Variants in TBC1D14 observed in about 807,000 individuals in gnomAD.
The protein encoded by TBC1D14 is TBC1 domain family member 14, also known as TBC1 domain family, member 14.
Under a neutral mutation model 79.0 loss-of-function variants are expected in TBC1D14, and 26 were observed. The ratio of observed to expected loss-of-function variants is 0.33; its 90% CI spans 0.24 to 0.46. The LOEUF (loss-of-function observed/expected upper bound fraction) is 0.46. TBC1D14 is among the 20% of genes least tolerant of loss of function. The probability of loss-of-function intolerance (pLI) is 1.00; values close to 1 mark genes in which losing one functional copy is unlikely to be tolerated. For synonymous variants in TBC1D14, 394 were observed against 349.9 expected, an observed-to-expected ratio of 1.13 and a Z score of -1.40; for missense variants, 769 against 887.6, an observed-to-expected ratio of 0.87 and a Z score of 1.70.
intron 6 of TBC1D14, 50 bp from the exon 7 acceptor site, chr4:7,001,095 A>C: frequency 6.5e-7 from 1 of 1,549,312 alleles, no homozygotes; most frequent in African/African-American, 1.4e-5. Flanking sequence ...CAGGTAGACA[A>C]ATGTCTTTGT....
intron 3 of TBC1D14, 102 bp downstream of exon 3, chr4:6,967,526 G>A (rs907095584): frequency 6.9e-6 from 10 of 1,457,950 alleles, no homozygotes; most frequent in South Asian, 2.6e-5. Flanking sequence ...ACTGGAAATC[G>A]CTTTGTATTA....
intron 3 of TBC1D14, among the ~76,000 whole-genome samples, chr4:6,992,991 G>A (rs952624906): frequency 6.6e-6 from 1 of 152,224 alleles, no homozygotes; most frequent in African/African-American, 2.4e-5. Context: ...CATAGCCTGT[G>A]TATTTTGAGG....
intron 1 of TBC1D14, among the ~76,000 whole-genome samples, chr4:6,919,446 A>G (rs1231570755): frequency 6.6e-6 from 1 of 151,680 alleles, no homozygotes; most frequent in South Asian, 2.1e-4. Context: ...ATGCTGGCCT[A>G]TAATTTCACT....
chr4:6,917,489 T>C (rs1723496364), intron 1 of TBC1D14, among the ~76,000 whole-genome samples: 1 of 151,966 alleles, frequency 6.6e-6, no homozygotes, highest in Admixed American at 6.6e-5. Context: ...AAAGCACCAA[T>C]TGAGTGTCTC....
chr4:7,031,368 AGTCCCTCACACATTT>A lies in TBC1D14; in HGVS notation c.*978_*992del, dbSNP rs1723024087. The A allele has an allele frequency of 2.0e-5, 3 of 152,230 alleles. No homozygotes were observed. Among genetic ancestry groups the A allele is most frequent in the Non-Finnish European group, 4.4e-5 (3 of 68,062 alleles). 9.4% of individuals were successfully genotyped at this position (152,230 alleles called of 1,614,324 possible). A position where few individuals can be genotyped will look rare whatever the true frequency, so the allele number is the denominator to read the frequency against. On this transcript the variant is annotated 3_prime_UTR_variant, in exon 14 of 14. Coordinates refer to ENST00000409757, the MANE Select transcript of TBC1D14 (RefSeq NM_020773.3). Reference sequence around the variant, plus strand: ...GCTGGACCCATCCTAAGTGCCAGTGAGTCCCTCACACATTTGACTTTAGAACGTGTGCTTCATGAC... The same window carrying A: ...GCTGGACCCATCCTAAGTGCCAGTGAGACTTTAGAACGTGTGCTTCATGAC...
At chr4:7,028,150 T>C (rs1463623084) in intron 13 of TBC1D14, among the ~76,000 whole-genome samples, 1 of 150,802 alleles carries the variant, frequency 6.6e-6, no homozygotes, top group Non-Finnish European at 1.5e-5. Flanking sequence ...ACGTACACAT[T>C]ACACACCCAC....
chr4:6,911,227 A>G (rs1014168801), intron 1 of TBC1D14, among the ~76,000 whole-genome samples: 14 of 152,110 alleles, frequency 9.2e-5, no homozygotes, highest in African/African-American at 3.4e-4. Flanking sequence ...TGGGCTCCGC[A>G]ATCCTAATGA....
At chr4:6,955,469 G>A (rs1229465615) in intron 2 of TBC1D14, among the ~76,000 whole-genome samples, 2 of 152,286 alleles carry the variant, frequency 1.3e-5, no homozygotes, top group Admixed American at 6.5e-5. Flanking sequence ...GCACTAGGCA[G>A]GCACCTGATA....
chr4:7,013,585 C>T (rs183525018), intron 11 of TBC1D14, among the ~76,000 whole-genome samples: 185 of 152,310 alleles, frequency 1.2e-3, no homozygotes, highest in African/African-American at 3.6e-3. Context: ...CGGGCTGTAA[C>T]GCCCTCCTTT....
At chr4:6,956,562 G>A (rs1020380082) in intron 2 of TBC1D14, among the ~76,000 whole-genome samples, 8 of 152,168 alleles carry the variant, frequency 5.3e-5, no homozygotes, top group African/African-American at 1.4e-4. Context: ...CTTCACTCTC[G>A]CCTGGCCCTA....
In TBC1D14 at chr4:7,013,496, G is replaced by C. The variant is rs1235452107; in HGVS notation, c.1648-952G>C. ...CAGTCCAGCTGGAGTTCTTTCTGCT[G>C]TCAGCACTGCTTCCCAGCTTTGTAC... On this transcript the variant is annotated intron_variant, in intron 11 of 13. Transcript: ENST00000409757. Among the ~76,000 whole-genome samples, 3 of 152,354 alleles carry C rather than the reference G, an allele frequency of 2.0e-5. No homozygotes were observed. In the East Asian group the frequency reaches 5.8e-4, roughly 29 times the overall value.
chr4:6,911,048 G>A (rs1722946883), intron 1 of TBC1D14, among the ~76,000 whole-genome samples: 1 of 152,130 alleles, frequency 6.6e-6, no homozygotes, highest in Non-Finnish European at 1.5e-5. Flanking sequence ...GTTGGAAACT[G>A]GTGGTTGCTT....
At chr4:6,998,025 A>G (rs1184299828) in intron 5 of TBC1D14, among the ~76,000 whole-genome samples, 1 of 152,222 alleles carries the variant, frequency 6.6e-6, no homozygotes, top group Non-Finnish European at 1.5e-5. Flanking sequence ...ACAAAAAAGT[A>G]TATGTAAACT....
intron 1 of TBC1D14, among the ~76,000 whole-genome samples, chr4:6,919,764 GC>G (rs1723691145): frequency 6.6e-6 from 1 of 152,060 alleles, no homozygotes. Context: ...AGGATTACAG[GC>G]GTGCGCCACC....
At chr4:7,007,651 C>A (rs1402986792) in intron 9 of TBC1D14, 1 of 1,264,336 alleles carries the variant, frequency 7.9e-7, no homozygotes, top group African/African-American at 1.5e-5. Flanking sequence ...GAGCACCCCA[C>A]TGGCTTGCAG....
intron 12 of TBC1D14, among the ~76,000 whole-genome samples, chr4:7,023,173 A>C (rs1169532029): frequency 6.6e-6 from 1 of 152,156 alleles, no homozygotes; most frequent in Non-Finnish European, 1.5e-5. Flanking sequence ...GAATTGCTTG[A>C]ACCTGGGAGG....
chr4:6,986,175 C>A (rs972362394), intron 3 of TBC1D14, among the ~76,000 whole-genome samples: 1 of 152,194 alleles, frequency 6.6e-6, no homozygotes, highest in African/African-American at 2.4e-5. Flanking sequence ...TTCACCTGGC[C>A]TAGCGTTTTT....
At position 6,914,725 on chromosome 4, in the gene TBC1D14, C is replaced by G. The variant is rs139885983; in HGVS notation, c.-18+4774C>G. Among the ~76,000 whole-genome samples the G allele has an allele frequency of 5.2e-3, 789 of 152,276 alleles. 5 individuals are homozygous for G. The highest frequency in any genetic ancestry group is 0.017 in the African/African-American group (715 of 41,544). ...GCCTGGAGCGTCCAGTCCTTTCTGC[C>G]TGAGCCAGGACTTGAATTAAAAAAG... On this transcript the variant is annotated intron_variant, in intron 1 of 13. Coordinates refer to ENST00000409757, the MANE Select transcript of TBC1D14 (RefSeq NM_020773.3).
intron 2 of TBC1D14, among the ~76,000 whole-genome samples, chr4:6,950,688 T>C (rs749162866): frequency 7.8e-6 from 1 of 128,244 alleles, no homozygotes; most frequent in Non-Finnish European, 1.7e-5. Context: ...TGATAACTTA[T>C]GTTTTCTCCT....
Sources: allele counts gnomAD v4.1 joint callset (sites outside exome capture counted in the v4.1 genomes callset), GRCh38; gene constraint gnomAD v4.1.1; transcripts MANE v1.5; gene names NCBI Gene and HGNC (gene_info 2026-07-23, HGNC 2026-07-21).